PHF20L1: variants seen among roughly 807,000 people sequenced by gnomAD.
The protein encoded by PHF20L1 is PHD finger protein 20 like 1, also known as PHD finger protein 20-like protein 1.
Under a neutral mutation model 125.5 loss-of-function variants are expected in PHF20L1, and 44 were observed. That is an observed-to-expected ratio of 0.35 (90% CI 0.28 to 0.45). The LOEUF (loss-of-function observed/expected upper bound fraction) is 0.45. Ranked by LOEUF, PHF20L1 falls within the 20% of genes least tolerant of loss-of-function variation. The pLI, the probability that PHF20L1 is intolerant of heterozygous loss-of-function variation, is 1.00. For synonymous variants in PHF20L1, 380 were observed against 403.1 expected (o/e 0.94, Z 0.69); for missense variants, 1,012 against 1,217.2 (o/e 0.83, Z 2.51).
In PHF20L1 at chr8:132,846,132, T is replaced by G; in HGVS notation, c.*209T>G. On this transcript the variant is annotated 3_prime_UTR_variant, in exon 21 of 21. Transcript: ENST00000395386. ...TTTAAAAACAAATTCATGAGCAAGC[T>G]GCAAATGAGAATGTGTTATATGCCA... The G allele has an allele frequency of 2.1e-6, 1 of 486,976 alleles. No individual in the cohort carries two copies. 30.2% of individuals were successfully genotyped at this position (486,976 alleles called of 1,614,324 possible).
intron 17 of PHF20L1, chr8:132,838,044 T>A (rs909631330): frequency 1.2e-5 from 5 of 405,220 alleles, no homozygotes; most frequent in Non-Finnish European, 1.9e-5. Flanking sequence ...GTGTGCCAGT[T>A]TCCAAGAACC....
chr8:132,801,600 T>G (rs1833051335), intron 6 of PHF20L1, among the ~76,000 whole-genome samples: 1 of 151,752 alleles, frequency 6.6e-6, no homozygotes, highest in Admixed American at 6.6e-5. Context: ...AATTCAGTGT[T>G]TGATAGCAGA....
At chr8:132,809,209 C>G (rs1369309449) in intron 8 of PHF20L1, 2 of 152,024 alleles carry the variant, frequency 1.3e-5, no homozygotes, top group East Asian at 3.9e-4. Context: ...CTCTGTTCCC[C>G]AGGATGGAGT....
At chr8:132,779,266 C>T (rs1029717918) in intron 2 of PHF20L1, among the ~76,000 whole-genome samples, 3 of 152,084 alleles carry the variant, frequency 2.0e-5, no homozygotes, top group Admixed American at 1.3e-4. Flanking sequence ...CTCCTAGTGA[C>T]GATCAAAATG....
At chr8:132,830,491 G>A (rs981570847) in intron 14 of PHF20L1, among the ~76,000 whole-genome samples, 5 of 152,000 alleles carry the variant, frequency 3.3e-5, no homozygotes, top group East Asian at 1.9e-4. Context: ...AGACCAATGC[G>A]TCTCTTATAA....
Position 132,811,479 on chromosome 8 carries a change from G to A in PHF20L1, c.930+351G>A, listed in dbSNP as rs1834383724. 6.0e-6 allele frequency: 6 copies of A among 996,036 alleles called. No individual in the cohort carries two copies. In the African/African-American group the frequency reaches 7.0e-5, roughly 12 times the overall value. 61.7% of individuals were successfully genotyped at this position (996,036 alleles called of 1,614,324 possible). On this transcript the variant is annotated intron_variant, in intron 9 of 20. Coordinates refer to ENST00000395386, the MANE Select transcript of PHF20L1 (RefSeq NM_016018.5). ...AGTTAAAACAGGGTTTTTTGACATC[G>A]AATAAAGCTTCTTTTGTAAGAAGTT... is the stretch of plus-strand genomic sequence containing the variant.
intron 15 of PHF20L1, 129 bp from the exon 16 acceptor site, chr8:132,836,408 ATTC>A (rs1837366164): frequency 3.2e-6 from 2 of 627,640 alleles, no homozygotes; most frequent in African/African-American, 1.8e-5. Context: ...ACAGTACAGT[ATTC>A]TTATTTGTTT....
intron 18 of PHF20L1, among the ~76,000 whole-genome samples, chr8:132,840,167 A>G (rs963607845): frequency 6.6e-6 from 1 of 152,100 alleles, no homozygotes; most frequent in African/African-American, 2.4e-5. Context: ...CAAACAAACA[A>G]AAACCCACAT....
chr8:132,800,358 T>G (rs1832909072), intron 6 of PHF20L1, among the ~76,000 whole-genome samples: 1 of 151,728 alleles, frequency 6.6e-6, no homozygotes, highest in Non-Finnish European at 1.5e-5. Flanking sequence ...TTTTTCTTTA[T>G]AATTCTTAAT....
Position 132,817,057 on chromosome 8 carries a change from A to C in PHF20L1, c.1353A>C (p.Gln451His). ...KVFSISSQNQ[Q>H]ESSVPEVPDV... ...TCTCCATCAGTTCTCAAAATCAGCA[A>C]GAATCTTCAGTACCAGAGGGTAATG... Residue 451 changes from glutamine (Q) to histidine (H), a missense_variant, in exon 11 of 21, where the codon CAA (glutamine) becomes CAC (histidine). Coordinates refer to ENST00000395386, the MANE Select transcript of PHF20L1 (RefSeq NM_016018.5). 1 of 1,583,556 alleles carries C rather than the reference A, an allele frequency of 6.3e-7. No homozygotes were observed. The highest frequency in any genetic ancestry group is 2.2e-5 in the East Asian group (1 of 44,616).
intron 2 of PHF20L1, among the ~76,000 whole-genome samples, chr8:132,779,909 A>G (rs968706011): frequency 7.2e-5 from 11 of 152,162 alleles, no homozygotes; most frequent in African/African-American, 2.7e-4. Flanking sequence ...ATGCAAATGT[A>G]CTCACTGATG....
chr8:132,791,693 T>C (rs1831726799), intron 2 of PHF20L1, among the ~76,000 whole-genome samples: 1 of 152,196 alleles, frequency 6.6e-6, no homozygotes, highest in African/African-American at 2.4e-5. Flanking sequence ...CCTTTAAGAT[T>C]CAAAATTTGA....
intron 2 of PHF20L1, among the ~76,000 whole-genome samples, chr8:132,793,402 G>A (rs539175546): frequency 7.2e-5 from 11 of 152,232 alleles, no homozygotes; most frequent in African/African-American, 2.6e-4. Context: ...GTAGTAATCA[G>A]TTCCTACATT....
At chr8:132,799,245 T>C (rs2131511691) in intron 6 of PHF20L1, 73 bp downstream of exon 6, 1 of 808,118 alleles carries the variant, frequency 1.2e-6, no homozygotes, top group East Asian at 2.7e-5. Context: ...GTTAAAAATT[T>C]TTAATATAAA....
intron 2 of PHF20L1, among the ~76,000 whole-genome samples, chr8:132,781,177 A>G (rs1381347026): frequency 6.6e-6 from 1 of 152,156 alleles, no homozygotes; most frequent in Non-Finnish European, 1.5e-5. Context: ...GTGTCTAGAC[A>G]TAAAAGGATA....
At chr8:132,783,570 T>C (rs1830674988) in intron 2 of PHF20L1, among the ~76,000 whole-genome samples, 1 of 152,156 alleles carries the variant, frequency 6.6e-6, no homozygotes, top group Non-Finnish European at 1.5e-5. Context: ...AGGAGAATGG[T>C]CCTAAAGTGT....
intron 19 of PHF20L1, chr8:132,843,447 G>GT (rs930425918): frequency 8.5e-5 from 83 of 975,846 alleles, no homozygotes; most frequent in South Asian, 4.7e-4. Context: ...AAAATTAGAT[G>GT]TTTTTTTTCT....
intron 8 of PHF20L1, among the ~76,000 whole-genome samples, chr8:132,805,705 G>A (rs1833610593): frequency 6.6e-6 from 1 of 151,894 alleles, no homozygotes; most frequent in Non-Finnish European, 1.5e-5. Flanking sequence ...CTGAAGAGAG[G>A]AAGCTAACTG....
chr8:132,808,962 C>G (rs558034136), intron 8 of PHF20L1: 2 of 151,726 alleles, frequency 1.3e-5, no homozygotes, highest in African/African-American at 2.4e-5. Context: ...TCACCCAGCT[C>G]GGCCTCCCAA....
Sources: allele counts gnomAD v4.1 joint callset (sites outside exome capture counted in the v4.1 genomes callset), GRCh38; gene constraint gnomAD v4.1.1; transcripts MANE v1.5; gene names NCBI Gene and HGNC (gene_info 2026-07-23, HGNC 2026-07-21).